Variants in FBXO34 observed in about 807,000 individuals in gnomAD.
FBXO34 encodes the protein F-box protein 34.
A neutral mutation model predicts 24.5 loss-of-function variants in FBXO34; 12 were observed. The observed-to-expected ratio is 0.49, with a 90% CI of 0.31 to 0.79. FBXO34 has a LOEUF of 0.79. Ranked by LOEUF, FBXO34 falls within the 30% of genes least tolerant of loss-of-function variation. The pLI is 0.04. For synonymous variants in FBXO34, 320 were observed against 311.9 expected, an observed-to-expected ratio of 1.03 and a Z score of -0.27; for missense variants, 823 against 857.7, an observed-to-expected ratio of 0.96 and a Z score of 0.51.
At chr14:55,380,749 A>C in the FBXO34 span, 2 of 1,069,590 alleles carry the variant, frequency 1.9e-6, no homozygotes, top group Non-Finnish European at 2.8e-6. Flanking sequence ...ACTACTAATA[A>C]TCCACGAGTT....
intron 1 of FBXO34, among the ~76,000 whole-genome samples, chr14:55,313,112 A>G (rs1474172192): frequency 6.6e-6 from 1 of 152,220 alleles, no homozygotes; most frequent in Non-Finnish European, 1.5e-5. Flanking sequence ...TTTTAAGAGC[A>G]TCCAAGTCAC....
At chr14:55,433,808 CA>C in the FBXO34 span, 4 of 1,200,398 alleles carry the variant, frequency 3.3e-6, no homozygotes, top group Non-Finnish European at 4.8e-6. Context: ...ATGAAAATCT[CA>C]AACAGATTGG....
At chr14:55,362,568 A>T (rs142053770), downstream of FBXO34, among the ~76,000 whole-genome samples, 1 of 152,230 alleles carries the variant, frequency 6.6e-6, no homozygotes, top group East Asian at 1.9e-4. Flanking sequence ...AAATGTCTCA[A>T]AGGAGTAGCA....
In FBXO34 at chr14:55,350,753, A is replaced by G. The variant is rs1252000450; in HGVS notation, c.363A>G (p.Ala121=). Reference sequence around the variant, plus strand: ...CTGGAAATACCAAGGAAAAAATTGCATTCTTTGCATCCCACCAGTGTAGTA... The same window carrying G: ...CTGGAAATACCAAGGAAAAAATTGCGTTCTTTGCATCCCACCAGTGTAGTA... ...VKPGNTKEKI[A]FFASHQCSNR... The change falls in exon 2 of 2, where the codon GCA becomes GCG. Residue 121 remains alanine (A), a synonymous_variant. Coordinates refer to ENST00000313833, the MANE Select transcript of FBXO34 (RefSeq NM_017943.4). 1.2e-6 allele frequency: 2 copies of G among 1,608,920 alleles called. No homozygotes were observed. The highest frequency in any genetic ancestry group is 1.7e-5 in the Admixed American group (1 of 58,606).
chr14:55,324,627 T>C (rs1292903616), intron 1 of FBXO34, among the ~76,000 whole-genome samples: 1 of 152,186 alleles, frequency 6.6e-6, no homozygotes, highest in East Asian at 1.9e-4. Flanking sequence ...TTTTTCTCAG[T>C]AATATGATAG....
chr14:55,433,497 T>G, the FBXO34 span: 3 of 830,046 alleles, frequency 3.6e-6, no homozygotes, highest in Non-Finnish European at 5.8e-6. Flanking sequence ...AATGTGGCAT[T>G]TCATTGAATA....
At chr14:55,342,371 C>T (rs1421012639) in intron 1 of FBXO34, among the ~76,000 whole-genome samples, 1 of 152,194 alleles carries the variant, frequency 6.6e-6, no homozygotes, top group Non-Finnish European at 1.5e-5. Flanking sequence ...CTAACCCTAA[C>T]CACCCAGTCC....
intron 1 of FBXO34, chr14:55,272,381 A>G (rs1418773307): frequency 6.6e-6 from 1 of 152,220 alleles, no homozygotes; most frequent in African/African-American, 2.4e-5. Flanking sequence ...CATTTGATTT[A>G]GAAAAACTTA....
downstream of FBXO34, chr14:55,369,011 A>G (rs1884748870): frequency 6.6e-6 from 1 of 152,494 alleles, no homozygotes; most frequent in South Asian, 2.1e-4. Context: ...TGGGGGAAAG[A>G]AAAACAGGAA....
At chr14:55,396,014 TAAAAA>T in the FBXO34 span, 2 of 1,509,760 alleles carry the variant, frequency 1.3e-6, no homozygotes, top group Non-Finnish European at 1.8e-6. Flanking sequence ...AATAAGCTCT[TAAAAA>T]TAATAAAATT....
At chr14:55,440,497 G>C in the FBXO34 span, 4 of 1,612,300 alleles carry the variant, frequency 2.5e-6, no homozygotes, top group Middle Eastern at 1.7e-4. Context: ...GAGGGTAAGC[G>C]CGGAGCGAGC....
At position 55,351,732 on chromosome 14, in the gene FBXO34, G is replaced by A. The variant is rs985966657; in HGVS notation, c.1342G>A (p.Asp448Asn). ...TGTGTCCCTTACTAGCCGAAATCCT[G>A]ATCAAAGAAAAGAATCTTTGTGCAT... ...ELVSLTSRNPDQRKESLCISI... is the reference protein window; with the variant it reads ...ELVSLTSRNPNQRKESLCISI... Residue 448 changes from aspartate to asparagine, a missense_variant, in exon 2 of 2, where the codon GAT (aspartate) becomes AAT (asparagine). Coordinates refer to ENST00000313833, the MANE Select transcript of FBXO34 (RefSeq NM_017943.4). The A allele has an allele frequency of 1.2e-6, 2 of 1,614,164 alleles. No homozygotes were observed. The highest frequency in any genetic ancestry group is 3.3e-5 in the Admixed American group (2 of 60,024).
intron 1 of FBXO34, among the ~76,000 whole-genome samples, chr14:55,272,812 A>G (rs1881202165): frequency 6.6e-6 from 1 of 152,212 alleles, no homozygotes; most frequent in African/African-American, 2.4e-5. Flanking sequence ...AGACCCGGCT[A>G]TAACTTAATA....
At chr14:55,410,696 T>C in the FBXO34 span, among the ~76,000 whole-genome samples, 1 of 152,344 alleles carries the variant, frequency 6.6e-6, no homozygotes, top group East Asian at 1.9e-4. Context: ...TAACTATTTG[T>C]GTGACCTGGG....
At chr14:55,291,680 C>T (rs1275093720) in intron 1 of FBXO34, among the ~76,000 whole-genome samples, 1 of 151,974 alleles carries the variant, frequency 6.6e-6, no homozygotes, top group Non-Finnish European at 1.5e-5. Context: ...ATAAAAACCC[C>T]AACAAATTAG....
At chr14:55,439,634 A>C in the FBXO34 span, among the ~76,000 whole-genome samples, 1 of 77,382 alleles carries the variant, frequency 1.3e-5, no homozygotes, top group Non-Finnish European at 2.6e-5. Flanking sequence ...GTCTCTACTA[A>C]AAAATACAAA....
chr14:55,350,070 A>G (rs1566566939), intron 1 of FBXO34, among the ~76,000 whole-genome samples: 1 of 150,814 alleles, frequency 6.6e-6, no homozygotes, highest in Admixed American at 6.6e-5. Flanking sequence ...GGAAGTTCAG[A>G]TTTTTTTTTA....
At chr14:55,413,423 T>C in the FBXO34 span, 2 of 177,538 alleles carry the variant, frequency 1.1e-5, no homozygotes, top group African/African-American at 2.4e-5. Context: ...TATTAATGTA[T>C]TACTTAACAG....
chr14:55,371,231 A>G (rs943252005), downstream of FBXO34, among the ~76,000 whole-genome samples: 1 of 152,210 alleles, frequency 6.6e-6, no homozygotes, highest in African/African-American at 2.4e-5. Flanking sequence ...AGAATCGTAT[A>G]GCTTGCCATT....
Sources: gnomAD v4.1 joint callset for allele counts (sites outside exome capture counted in the v4.1 genomes callset) on GRCh38, gnomAD v4.1.1 for gene constraint, MANE v1.5 for transcripts, NCBI Gene and HGNC (gene_info 2026-07-23, HGNC 2026-07-21) for gene names.